KCNIP4: variants seen among roughly 807,000 people sequenced by gnomAD.
The protein encoded by KCNIP4 is potassium voltage-gated channel interacting protein 4, also known as Kv channel-interacting protein 4.
A neutral mutation model predicts 34.0 loss-of-function variants in KCNIP4; 12 were observed. That is an observed-to-expected ratio of 0.35 (90% CI 0.23 to 0.57). KCNIP4 has a LOEUF of 0.57. Ranked by LOEUF, KCNIP4 falls within the 20% of genes least tolerant of loss-of-function variation. The pLI, the probability that KCNIP4 is intolerant of heterozygous loss-of-function variation, is 0.83. For missense variants in KCNIP4, 238 were observed against 311.7 expected, an observed-to-expected ratio of 0.76 and a Z score of 1.78; for synonymous variants, 124 against 102.2, an observed-to-expected ratio of 1.21 and a Z score of -1.29.
intron 1 of KCNIP4, among the ~76,000 whole-genome samples, chr4:21,372,350 GTGAATAGA>G (rs1362203065): frequency 5.9e-5 from 4 of 68,238 alleles, no homozygotes; most frequent in Admixed American, 1.6e-4. Context: ...TTCCAGTTTG[GTGAATAGA>G]TAGATAGATA....
chr4:21,662,305 T>C (rs1748512316), intron 1 of KCNIP4, among the ~76,000 whole-genome samples: 3 of 152,354 alleles, frequency 2.0e-5, no homozygotes, highest in South Asian at 2.1e-4. Flanking sequence ...TTCTACCAGA[T>C]GTATTTTTAT....
At chr4:21,610,594 T>G (rs1156463111) in intron 1 of KCNIP4, among the ~76,000 whole-genome samples, 1 of 152,162 alleles carries the variant, frequency 6.6e-6, no homozygotes, top group Non-Finnish European at 1.5e-5. Flanking sequence ...ATTAGGGATT[T>G]TAGCTCTAAG....
chr4:20,984,653 T>C lies in KCNIP4; in HGVS notation c.62-101944A>G, dbSNP rs112363199. Among the ~76,000 whole-genome samples, 15 of 152,342 alleles carry C rather than the reference T, an allele frequency of 9.8e-5. 2 individuals carry two copies. The highest frequency in any genetic ancestry group is 3.6e-4 in the African/African-American group (15 of 41,582). On this transcript the variant is annotated intron_variant, in intron 1 of 8. Transcript: ENST00000382152. ...CGCCACTCCTTGTTCTGGTCTCCGC[T>C]GTCACGTCGGGCGCATTATCAGGGA...
chr4:21,455,840 T>C lies in KCNIP4; in HGVS notation c.61+492731A>G, dbSNP rs1279734609. The stretch of plus-strand genomic sequence containing the variant: ...ATATATATATATATATATATATATA[T>C]ATATATATATATATATGGACTTAGA... On this transcript the variant is annotated intron_variant, in intron 1 of 8. Transcript: ENST00000382152. 2.4e-4 allele frequency among the ~76,000 whole-genome samples: 30 copies of C among 125,312 alleles called. 2 individuals carry two copies. The East Asian group carries it at 6.5e-3, about 27-fold the overall frequency. 82.2% of individuals were successfully genotyped at this position (125,312 alleles called of 152,430 possible).
chr4:20,798,850 TGA>T (rs1713845918), intron 3 of KCNIP4, among the ~76,000 whole-genome samples: 1 of 152,174 alleles, frequency 6.6e-6, no homozygotes, highest in African/African-American at 2.4e-5. Context: ...TAAACTCAAC[TGA>T]GAGAGCTCCC....
chr4:20,887,231 TAA>T, intron 1 of KCNIP4, among the ~76,000 whole-genome samples: 1 of 151,826 alleles, frequency 6.6e-6, no homozygotes, highest in Non-Finnish European at 1.5e-5. Context: ...GATTTAAAAA[TAA>T]AGAGAGCTTT....
rs531193545 is a variant in KCNIP4, at chr4:20,782,205, G to A, written c.289-23315C>T. 4.7e-4 allele frequency among the ~76,000 whole-genome samples: 72 copies of A among 152,274 alleles called. 1 individual carries two copies. The highest frequency in any genetic ancestry group is 1.4e-3 in the African/African-American group (59 of 41,558). ...GCAGGGTACAGCCTCTCTCCAGGCTGCTTTCACAGGCTGGCACTGAGTGTC... is the reference window on the plus strand; with the variant it reads ...GCAGGGTACAGCCTCTCTCCAGGCTACTTTCACAGGCTGGCACTGAGTGTC... On this transcript the variant is annotated intron_variant, in intron 3 of 8. Transcript: ENST00000382152.
At chr4:21,673,258 C>G (rs1749641400) in intron 1 of KCNIP4, among the ~76,000 whole-genome samples, 1 of 152,202 alleles carries the variant, frequency 6.6e-6, no homozygotes, top group African/African-American at 2.4e-5. Flanking sequence ...AATTACCCGC[C>G]TACGGCCACA....
chr4:21,589,162 A>G (rs1056762571), intron 1 of KCNIP4, among the ~76,000 whole-genome samples: 48 of 35,410 alleles, frequency 1.4e-3, no homozygotes, highest in African/African-American at 4.6e-3. Context: ...GTGTGTATAT[A>G]TATATATATA....
intron 1 of KCNIP4, among the ~76,000 whole-genome samples, chr4:21,773,759 G>GTTTT (rs1560704204): frequency 0.011 from 613 of 58,376 alleles, 14 homozygotes; most frequent in African/African-American, 0.044. Flanking sequence ...TTTTTTTTTT[G>GTTTT]TTTGTTTGTT....
chr4:21,252,564 A>G lies in KCNIP4; in HGVS notation c.62-369855T>C, dbSNP rs180718622. 3.2e-3 allele frequency among the ~76,000 whole-genome samples: 491 copies of G among 152,208 alleles called. 5 individuals are homozygous for G. The highest frequency in any genetic ancestry group is 0.011 in the African/African-American group (459 of 41,544). On this transcript the variant is annotated intron_variant, in intron 1 of 8. Coordinates refer to ENST00000382152, the MANE Select transcript of KCNIP4 (RefSeq NM_025221.6). ...CATCACCTAAGCAGGGCAGCACACG[A>G]AGACCTGATGTAACGCTGACAATGT...
chr4:21,587,508 G>A (rs536455423), intron 1 of KCNIP4, among the ~76,000 whole-genome samples: 77 of 151,524 alleles, frequency 5.1e-4, no homozygotes, highest in African/African-American at 1.8e-3. Context: ...CTGAGTAAAT[G>A]AAGAGTTAGA....
chr4:21,423,128 T>C, intron 1 of KCNIP4, among the ~76,000 whole-genome samples: 1 of 152,172 alleles, frequency 6.6e-6, no homozygotes, highest in East Asian at 1.9e-4. Context: ...AAGGGAACTC[T>C]CTTCCAATGA....
At chr4:20,757,527 C>T (rs1403536059) in intron 4 of KCNIP4, among the ~76,000 whole-genome samples, 1 of 152,176 alleles carries the variant, frequency 6.6e-6, no homozygotes, top group Non-Finnish European at 1.5e-5. Flanking sequence ...CCATTGTACA[C>T]TCTCTACCCT....
chr4:20,789,950 AAC>A (rs1402617934), intron 3 of KCNIP4, among the ~76,000 whole-genome samples: 1 of 152,138 alleles, frequency 6.6e-6, no homozygotes, highest in East Asian at 1.9e-4. Context: ...CTAAACTTAA[AAC>A]ACAGTCATGT....
intron 1 of KCNIP4, among the ~76,000 whole-genome samples, chr4:21,856,735 G>T (rs933840447): frequency 1.3e-5 from 2 of 152,106 alleles, no homozygotes; most frequent in African/African-American, 4.8e-5. Flanking sequence ...CCACTGCCTG[G>T]CCTCTTCCTA....
chr4:21,333,786 C>T (rs1017138925), intron 1 of KCNIP4, among the ~76,000 whole-genome samples: 8 of 151,966 alleles, frequency 5.3e-5, no homozygotes, highest in African/African-American at 7.2e-5. Flanking sequence ...ATAAACCTGC[C>T]GTAATAAATT....
At chr4:21,482,998 A>G (rs1049011998) in intron 1 of KCNIP4, among the ~76,000 whole-genome samples, 2 of 150,076 alleles carry the variant, frequency 1.3e-5, no homozygotes, top group Non-Finnish European at 3.0e-5. Flanking sequence ...GGACAAAAAA[A>G]CAAACACCGC....
intron 1 of KCNIP4, among the ~76,000 whole-genome samples, chr4:21,370,844 T>TAC (rs1560338034): frequency 1.2e-4 from 3 of 25,908 alleles, no homozygotes; most frequent in African/African-American, 4.7e-4. Flanking sequence ...TATATATATA[T>TAC]ATATATACAC....
Sources: gnomAD v4.1 joint callset for allele counts (sites outside exome capture counted in the v4.1 genomes callset) on GRCh38, gnomAD v4.1.1 for gene constraint, MANE v1.5 for transcripts, NCBI Gene and HGNC (gene_info 2026-07-23, HGNC 2026-07-21) for gene names.